PRR16: variants seen among roughly 807,000 people sequenced by gnomAD.
PRR16 encodes the protein protein Largen.
Under a neutral mutation model 18.2 loss-of-function variants are expected in PRR16, and 6 were observed. That is an observed-to-expected ratio of 0.33 (90% confidence interval 0.18 to 0.65). The LOEUF (loss-of-function observed/expected upper bound fraction) is 0.65, where lower values mean the gene tolerates loss of function less well. Ranked by LOEUF, PRR16 falls within the 30% of genes least tolerant of loss-of-function variation. PRR16 has a pLI of 0.74. For missense variants in PRR16, 412 were observed against 376.6 expected (o/e 1.09, Z -0.78); for synonymous variants, 151 against 147.8 (o/e 1.02, Z -0.16).
intron 1 of PRR16, among the ~76,000 whole-genome samples, chr5:120,523,288 G>GTATAAT (rs953289163): frequency 2.0e-5 from 3 of 152,114 alleles, no homozygotes; most frequent in African/African-American, 7.2e-5. Context: ...GTTTTTAAAG[G>GTATAAT]TATAATTGCC....
At chr5:120,741,933 G>A in the PRR16 span, among the ~76,000 whole-genome samples, 1 of 152,068 alleles carries the variant, frequency 6.6e-6, no homozygotes, top group Non-Finnish European at 1.5e-5. Flanking sequence ...ATAAGATTTA[G>A]AAAGTTCTAT....
the PRR16 span, among the ~76,000 whole-genome samples, chr5:120,751,981 T>A: frequency 1.3e-5 from 2 of 152,138 alleles, no homozygotes; most frequent in Non-Finnish European, 2.9e-5. Flanking sequence ...TCTTTAAAAT[T>A]GTTCATTGTC....
intron 1 of PRR16, among the ~76,000 whole-genome samples, chr5:120,662,621 CAATA>C (rs1756214828): frequency 6.6e-6 from 1 of 152,096 alleles, no homozygotes; most frequent in Non-Finnish European, 1.5e-5. Context: ...CACCATATCA[CAATA>C]GTGTTTATAG....
At chr5:120,751,343 G>A in the PRR16 span, among the ~76,000 whole-genome samples, 38 of 152,166 alleles carry the variant, frequency 2.5e-4, no homozygotes, top group African/African-American at 8.9e-4. Flanking sequence ...TTTTGAGACA[G>A]CTCCATACTG....
the PRR16 span, among the ~76,000 whole-genome samples, chr5:120,702,855 G>A: frequency 6.6e-6 from 1 of 152,170 alleles, no homozygotes; most frequent in African/African-American, 2.4e-5. Flanking sequence ...TGGTCGGTCT[G>A]AGGACCTGAG....
At chr5:120,545,791 T>C (rs755242424) in intron 1 of PRR16, among the ~76,000 whole-genome samples, 2 of 152,110 alleles carry the variant, frequency 1.3e-5, no homozygotes, top group Non-Finnish European at 2.9e-5. Flanking sequence ...TTTTTAAAAA[T>C]ACTTTCTTTA....
chr5:120,612,782 A>T (rs564279389), intron 1 of PRR16, among the ~76,000 whole-genome samples: 119 of 152,304 alleles, frequency 7.8e-4, no homozygotes, highest in African/African-American at 2.6e-3. Flanking sequence ...TTGTATTCTA[A>T]AATGCTAATA....
intron 1 of PRR16, among the ~76,000 whole-genome samples, chr5:120,527,381 C>A (rs1381266860): frequency 6.6e-6 from 1 of 152,076 alleles, no homozygotes; most frequent in African/African-American, 2.4e-5. Context: ...CTGTAAAAGC[C>A]ATTCTTAGAG....
Position 120,519,625 on chromosome 5 carries a change from G to A in PRR16, c.159+54980G>A, listed in dbSNP as rs987742040. ...GTTTTCTTTCCTGAAATTAACTTTA[G>A]CAATGCTAATTATGATTATTTTCAT... On this transcript the variant is annotated intron_variant, in intron 1 of 1. Transcript: ENST00000407149. Among the ~76,000 whole-genome samples, 4 of 152,094 alleles carry A rather than the reference G, an allele frequency of 2.6e-5. No individual in the cohort carries two copies. The South Asian group carries it at 8.3e-4, about 32-fold the overall frequency.
chr5:120,489,554 G>T (rs542567455), intron 1 of PRR16, among the ~76,000 whole-genome samples: 1 of 152,062 alleles, frequency 6.6e-6, no homozygotes, highest in South Asian at 2.1e-4. Flanking sequence ...GTCTCTGCAC[G>T]TGAGATGGGT....
the PRR16 span, among the ~76,000 whole-genome samples, chr5:120,783,641 A>C: frequency 3.9e-5 from 6 of 152,280 alleles, no homozygotes; most frequent in South Asian, 1.2e-3. Context: ...ATTTTGATAG[A>C]AGTGTACAAT....
intron 1 of PRR16, among the ~76,000 whole-genome samples, chr5:120,650,698 G>T (rs1311719381): frequency 1.3e-5 from 2 of 152,078 alleles, no homozygotes; most frequent in Non-Finnish European, 2.9e-5. Flanking sequence ...TGGTGTATAT[G>T]TGCCACGTTT....
chr5:120,646,237 G>A (rs772902960), intron 1 of PRR16, among the ~76,000 whole-genome samples: 1 of 151,392 alleles, frequency 6.6e-6, no homozygotes, highest in African/African-American at 2.4e-5. Context: ...TAGAATTTTT[G>A]TCATCTTACA....
At chr5:120,517,809 T>A (rs1751047018) in intron 1 of PRR16, among the ~76,000 whole-genome samples, 1 of 152,180 alleles carries the variant, frequency 6.6e-6, no homozygotes, top group Non-Finnish European at 1.5e-5. Flanking sequence ...CTGGATACTG[T>A]TTTCAGTACT....
At chr5:120,734,324 C>CCT in the PRR16 span, among the ~76,000 whole-genome samples, 1,072 of 151,072 alleles carry the variant, frequency 7.1e-3, 17 homozygotes, top group African/African-American at 0.024. Flanking sequence ...TTTTCACACT[C>CCT]CTCTCTCTCT....
chr5:120,599,782 C>G (rs1753924189), intron 1 of PRR16, among the ~76,000 whole-genome samples: 1 of 151,842 alleles, frequency 6.6e-6, no homozygotes, highest in Non-Finnish European at 1.5e-5. Context: ...CAGTTTAGAA[C>G]CAAGTCTTTC....
chr5:120,481,187 G>A (rs1179758030), intron 1 of PRR16: 2 of 929,236 alleles, frequency 2.2e-6, no homozygotes, highest in Admixed American at 2.5e-5. Context: ...CCACTCTGTT[G>A]CCCAGGCTAG....
the PRR16 span, among the ~76,000 whole-genome samples, chr5:120,737,765 A>G: frequency 6.6e-6 from 1 of 151,232 alleles, no homozygotes; most frequent in African/African-American, 2.4e-5. Context: ...GTTTGTTTGG[A>G]TATTTTAGAT....
intron 1 of PRR16, among the ~76,000 whole-genome samples, chr5:120,519,033 T>G (rs1393758098): frequency 6.6e-6 from 1 of 152,092 alleles, no homozygotes; most frequent in Non-Finnish European, 1.5e-5. Flanking sequence ...TGGCGATAAA[T>G]AAGCCTACGA....
Sources: gnomAD v4.1 joint callset for allele counts (sites outside exome capture counted in the v4.1 genomes callset) on GRCh38, gnomAD v4.1.1 for gene constraint, MANE v1.5 for transcripts, NCBI Gene and HGNC (gene_info 2026-07-23, HGNC 2026-07-21) for gene names.